The following LYST variants were observed in gnomAD, a reference collection of about 807,000 sequenced individuals.
LYST encodes lysosomal trafficking regulator, also known as lysosomal-trafficking regulator.
LYST carries 192 observed loss-of-function variants against 413.6 expected under a neutral mutation model. That is an observed-to-expected ratio of 0.46 (90% CI 0.41 to 0.52). The LOEUF is 0.52. Among genes scored for constraint, LYST ranks in the 20% least tolerant of loss-of-function variants. LYST has a pLI of 0.00. For missense variants in LYST, 3,815 were observed against 4,499.9 expected, an observed-to-expected ratio of 0.85 and a Z score of 4.35; for synonymous variants, 1,525 against 1,567.3, an observed-to-expected ratio of 0.97 and a Z score of 0.64.
chr1:235,870,532 C>T (rs973519844), upstream of LYST, among the ~76,000 whole-genome samples: 18 of 152,198 alleles, frequency 1.2e-4, no homozygotes, highest in South Asian at 1.0e-3. Flanking sequence ...GCCTGATTCA[C>T]GAATTGTTTT....
chr1:235,778,510 A>G (rs112333912), intron 16 of LYST, among the ~76,000 whole-genome samples: 6,048 of 151,088 alleles, frequency 0.04, 418 homozygotes, highest in African/African-American at 0.14. Flanking sequence ...GAGTAGCTGG[A>G]ATTACAGGTG....
intron 42 of LYST, among the ~76,000 whole-genome samples, chr1:235,714,448 T>C (rs1199549689): frequency 6.6e-6 from 1 of 152,206 alleles, no homozygotes; most frequent in East Asian, 1.9e-4. Context: ...GCCCCTTTTA[T>C]AGACCAATAA....
intron 44 of LYST, 104 bp from the exon 45 acceptor site, chr1:235,703,081 T>C: frequency 1.2e-6 from 1 of 851,788 alleles, no homozygotes; most frequent in Non-Finnish European, 2.0e-6. Flanking sequence ...TTCTAGGTTA[T>C]GGAAAAAATG....
At chr1:235,859,463 T>A (rs1679608487) in intron 1 of LYST, among the ~76,000 whole-genome samples, 1 of 151,680 alleles carries the variant, frequency 6.6e-6, no homozygotes, top group South Asian at 2.1e-4. Context: ...AAATGAAAAT[T>A]GTTTTATTGG....
intron 1 of LYST, among the ~76,000 whole-genome samples, chr1:235,881,949 G>T (rs1681393247): frequency 6.6e-6 from 1 of 151,996 alleles, no homozygotes; most frequent in Non-Finnish European, 1.5e-5. Flanking sequence ...AGTGGTGGTG[G>T]TTACACAAGA....
At chr1:235,835,956 A>C (rs889567535) in intron 1 of LYST, among the ~76,000 whole-genome samples, 6 of 152,228 alleles carry the variant, frequency 3.9e-5, no homozygotes, top group Middle Eastern at 3.2e-3. Flanking sequence ...AATTGTTATA[A>C]TGTCATAACA....
In LYST at chr1:235,720,894, A is replaced by T. The variant is rs1413246726; in HGVS notation, c.9327T>A (p.Asp3109Glu). The T allele has an allele frequency of 1.9e-5, 31 of 1,613,556 alleles. No homozygotes were observed. In the Admixed American group the frequency reaches 2.0e-4, roughly 10 times the overall value. The change falls in exon 40 of 53, where the codon GAT (aspartate) becomes GAA (glutamate). Residue 3109 changes from aspartate to glutamate, a missense_variant. Asp to Glu is a conservative substitution (Grantham distance 45, BLOSUM62 2). Coordinates refer to ENST00000389793, the MANE Select transcript of LYST (RefSeq NM_000081.4). ...TATTTGTGAGTATATTGTGGTATAC[A>T]TCATCACGAACCTAAAAGGGAAGGA... ...LAFDNTKVRD[D>E]VYHNILTNNL...
At chr1:235,695,112 C>T (rs189538066) in intron 46 of LYST, among the ~76,000 whole-genome samples, 102 of 152,236 alleles carry the variant, frequency 6.7e-4, no homozygotes, top group African/African-American at 2.4e-3. Context: ...TAAACACTGA[C>T]CTCTCCCAGA....
rs901343967 is a variant in LYST, at chr1:235,712,148, A to G, written c.9834T>C (p.Thr3278=). 37 of 1,583,012 alleles carry G rather than the reference A, an allele frequency of 2.3e-5. No homozygotes were observed. The highest frequency in any genetic ancestry group is 3.1e-5 in the Non-Finnish European group (36 of 1,160,350). Residue 3278 remains threonine, a synonymous_variant, in exon 43 of 53, where the codon ACT becomes ACC. Transcript: ENST00000389793. The stretch of plus-strand genomic sequence containing the variant: ...TAGATTCAAAAGATGAGAGTCGCCA[A>G]GTTGTATTTGTAGAATGAAAAGTTC... The part of the protein sequence containing the change: ...PDRTFHSTNT[T]WRLSSFESMT...
At chr1:235,689,081 G>T (rs1660451718) in intron 47 of LYST, among the ~76,000 whole-genome samples, 1 of 150,624 alleles carries the variant, frequency 6.6e-6, no homozygotes, top group African/African-American at 2.4e-5. Flanking sequence ...TCAAATCAAA[G>T]AATTAATGGG....
rs576215146 is a variant in LYST, at chr1:235,713,504, G to C, written c.9785-1307C>G. Reference sequence around the variant, plus strand: ...TACTACTACAAATTCCCATTATCTAGAATATGCATATATTAAACCTGTGGT... The same window carrying C: ...TACTACTACAAATTCCCATTATCTACAATATGCATATATTAAACCTGTGGT... On this transcript the variant is annotated intron_variant, in intron 42 of 52. Transcript: ENST00000389793. Among the ~76,000 whole-genome samples the C allele has an allele frequency of 2.6e-5, 4 of 152,254 alleles. No homozygotes were observed. In the South Asian group the frequency reaches 8.3e-4, roughly 32 times the overall value.
In LYST at chr1:235,710,064, T is replaced by C. The variant is rs116303374; in HGVS notation, c.9926-756A>G. Among the ~76,000 whole-genome samples the C allele has an allele frequency of 4.4e-3, 672 of 152,332 alleles. 4 individuals are homozygous for C. The highest frequency in any genetic ancestry group is 8.2e-3 in the Admixed American group (125 of 15,302). ...GGCTTTTTGTGCTACATTTTCTAGT[T>C]TGCTGAACACCATAACAAAAATTAA... is the stretch of plus-strand genomic sequence containing the variant. On this transcript the variant is annotated intron_variant, in intron 43 of 52. Coordinates refer to ENST00000389793, the MANE Select transcript of LYST (RefSeq NM_000081.4).
intron 1 of LYST, among the ~76,000 whole-genome samples, chr1:235,853,992 A>T (rs887166382): frequency 6.6e-6 from 1 of 152,174 alleles, no homozygotes; most frequent in Non-Finnish European, 1.5e-5. Flanking sequence ...ATTTAAAGGA[A>T]CTATGAAGGT....
At chr1:235,670,152 C>T (rs1038018200) in intron 50 of LYST, among the ~76,000 whole-genome samples, 2 of 152,186 alleles carry the variant, frequency 1.3e-5, no homozygotes, top group Non-Finnish European at 2.9e-5. Flanking sequence ...CCCACCTTAG[C>T]AACAGTCTCT....
intron 17 of LYST, among the ~76,000 whole-genome samples, chr1:235,775,609 A>G (rs1669155056): frequency 6.6e-6 from 1 of 152,224 alleles, no homozygotes; most frequent in Non-Finnish European, 1.5e-5. Flanking sequence ...AGAATGAGAC[A>G]ATAGGTATTC....
chr1:235,808,424 C>A (rs201464237), intron 5 of LYST, 31 bp downstream of exon 5: 2 of 1,605,100 alleles, frequency 1.2e-6, no homozygotes. Flanking sequence ...CAACAACCCC[C>A]GCCCCCGCCG....
chr1:235,680,595 T>G (rs1027399100), intron 48 of LYST, among the ~76,000 whole-genome samples: 1 of 150,000 alleles, frequency 6.7e-6, no homozygotes, highest in Admixed American at 6.6e-5. Flanking sequence ...GACACACAAG[T>G]GATTTTCTTT....
intron 50 of LYST, among the ~76,000 whole-genome samples, chr1:235,665,916 T>C (rs1658412442): frequency 6.6e-6 from 1 of 152,138 alleles, no homozygotes; most frequent in Non-Finnish European, 1.5e-5. Flanking sequence ...GGAAATACTC[T>C]CATACTGATA....
intron 31 of LYST, among the ~76,000 whole-genome samples, chr1:235,739,175 G>A (rs1442651033): frequency 1.3e-5 from 2 of 152,160 alleles, no homozygotes; most frequent in Non-Finnish European, 2.9e-5. Flanking sequence ...TATTCTGTAG[G>A]TACTATATCC....
Sources: gnomAD v4.1 joint callset for allele counts (sites outside exome capture counted in the v4.1 genomes callset) on GRCh38, gnomAD v4.1.1 for gene constraint, MANE v1.5 for transcripts, NCBI Gene and HGNC (gene_info 2026-07-23, HGNC 2026-07-21) for gene names.